FGF12: variants seen among roughly 807,000 people sequenced by gnomAD.
The protein encoded by FGF12 is fibroblast growth factor 12.
FGF12 carries 14 observed loss-of-function variants against 23.6 expected under a neutral mutation model. The observed-to-expected ratio is 0.59, with a 90% confidence interval of 0.39 to 0.93. FGF12 has a LOEUF of 0.93. FGF12 is among the 40% of genes least tolerant of loss of function. The pLI is 0.00. For missense variants in FGF12, 175 were observed against 217.8 expected (o/e 0.80, Z 1.24); for synonymous variants, 62 against 77.3 (o/e 0.80, Z 1.04).
At chr3:192,708,312 C>T (rs758037104) in intron 2 of FGF12, among the ~76,000 whole-genome samples, 6 of 152,100 alleles carry the variant, frequency 3.9e-5, no homozygotes, top group African/African-American at 7.2e-5. Context: ...AGATGAAAGG[C>T]GTTTCAAAAG....
Position 192,559,157 on chromosome 3 carries a change from C to A in FGF12, c.13+168024G>T, listed in dbSNP as rs771192928. Among the ~76,000 whole-genome samples, 36 of 151,870 alleles carry A rather than the reference C, an allele frequency of 2.4e-4. No individual in the cohort carries two copies. In the East Asian group the frequency reaches 2.7e-3, roughly 11 times the overall value. On this transcript the variant is annotated intron_variant, in intron 2 of 5. Transcript: ENST00000445105. ...AAAGAAAACAATCTGCAGGTAAAAG[C>A]CAACCTAAAGAATGAGAAAAAATAT... is the stretch of plus-strand genomic sequence containing the variant.
chr3:192,367,408 C>T (rs529166823), intron 2 of FGF12, among the ~76,000 whole-genome samples: 5 of 152,188 alleles, frequency 3.3e-5, no homozygotes, highest in South Asian at 4.2e-4. Context: ...TCAAGGGCTT[C>T]GGGGGCATTA....
intron 4 of FGF12, among the ~76,000 whole-genome samples, chr3:192,295,046 C>CA (rs1234839837): frequency 1.3e-5 from 2 of 152,048 alleles, no homozygotes; most frequent in Non-Finnish European, 2.9e-5. Flanking sequence ...TTTCTAGTGA[C>CA]AAAAAATGAT....
chr3:192,430,288 C>A (rs569191593), intron 2 of FGF12, among the ~76,000 whole-genome samples: 2 of 152,218 alleles, frequency 1.3e-5, no homozygotes, highest in East Asian at 1.9e-4. Context: ...CTGTATTATT[C>A]TTCTTGTATG....
intron 2 of FGF12, among the ~76,000 whole-genome samples, chr3:192,591,768 A>C (rs1713635228): frequency 6.6e-6 from 1 of 152,028 alleles, no homozygotes; most frequent in South Asian, 2.1e-4. Context: ...GAATTAAAGG[A>C]ACTGTAATTA....
At chr3:192,319,885 G>T (rs530591993) in intron 4 of FGF12, among the ~76,000 whole-genome samples, 3 of 151,998 alleles carry the variant, frequency 2.0e-5, no homozygotes, top group Non-Finnish European at 4.4e-5. Context: ...AAATATGCTA[G>T]CAGAGAAAAT....
chr3:192,376,688 C>T (rs550276775), intron 2 of FGF12, among the ~76,000 whole-genome samples: 109 of 152,316 alleles, frequency 7.2e-4, no homozygotes, highest in African/African-American at 2.6e-3. Flanking sequence ...CTTCAAAATT[C>T]ACCTTTTTTC....
At chr3:192,664,359 G>C (rs1188131268) in intron 2 of FGF12, among the ~76,000 whole-genome samples, 2 of 152,044 alleles carry the variant, frequency 1.3e-5, no homozygotes, top group Non-Finnish European at 2.9e-5. Context: ...CCCCAGAGTT[G>C]TTCTAGGACC....
Position 192,532,228 on chromosome 3 carries a change from T to C in FGF12, c.14-171690A>G, listed in dbSNP as rs532885184. On this transcript the variant is annotated intron_variant, in intron 2 of 5. Transcript: ENST00000445105. ...TTTTTGCTTAGTATTGCTTTGGCTGTGTGGGCTCTTTTTTGGTTCCATATG... is the reference window on the plus strand; with the variant it reads ...TTTTTGCTTAGTATTGCTTTGGCTGCGTGGGCTCTTTTTTGGTTCCATATG... Among the ~76,000 whole-genome samples the C allele has an allele frequency of 3.9e-5, 6 of 152,312 alleles. No homozygotes were observed. The South Asian group carries it at 1.2e-3, about 32-fold the overall frequency.
intron 4 of FGF12, among the ~76,000 whole-genome samples, chr3:192,243,158 C>T (rs920139303): frequency 6.6e-6 from 1 of 151,860 alleles, no homozygotes; most frequent in Non-Finnish European, 1.5e-5. Flanking sequence ...AAGATGTTAA[C>T]CTTAAATATA....
intron 2 of FGF12, among the ~76,000 whole-genome samples, chr3:192,637,312 C>G (rs1715620381): frequency 6.6e-6 from 1 of 152,158 alleles, no homozygotes; most frequent in Non-Finnish European, 1.5e-5. Context: ...TGCTTTCACT[C>G]ATATTTCCTT....
At chr3:192,367,873 C>T (rs1019398121) in intron 2 of FGF12, among the ~76,000 whole-genome samples, 2 of 152,162 alleles carry the variant, frequency 1.3e-5, no homozygotes, top group Non-Finnish European at 2.9e-5. Flanking sequence ...ACGAGAGACA[C>T]CATCAGCAGC....
intron 2 of FGF12, among the ~76,000 whole-genome samples, chr3:192,407,473 C>T (rs1721009335): frequency 6.6e-6 from 1 of 152,010 alleles, no homozygotes; most frequent in South Asian, 2.1e-4. Flanking sequence ...TTGACAAGGG[C>T]GTCTGAAAGA....
chr3:192,387,718 A>AT (rs140636487), intron 2 of FGF12, among the ~76,000 whole-genome samples: 14 of 147,488 alleles, frequency 9.5e-5, no homozygotes, highest in South Asian at 4.3e-4. Flanking sequence ...ACACACACAC[A>AT]ATATATATAT....
At chr3:192,158,484 CCCTT>C (rs1414342961) in intron 5 of FGF12, among the ~76,000 whole-genome samples, 1 of 145,316 alleles carries the variant, frequency 6.9e-6, no homozygotes. Flanking sequence ...GTCTCTCTCT[CCCTT>C]CCTTCCTCTC....
At chr3:192,174,398 C>G (rs747089486) in intron 4 of FGF12, among the ~76,000 whole-genome samples, 7 of 151,984 alleles carry the variant, frequency 4.6e-5, no homozygotes, top group Non-Finnish European at 1.0e-4. Context: ...AATGAAAAGC[C>G]AAGTGGAGTT....
chr3:192,211,503 G>A (rs946494213), intron 4 of FGF12, among the ~76,000 whole-genome samples: 2 of 134,988 alleles, frequency 1.5e-5, no homozygotes, highest in African/African-American at 5.8e-5. Flanking sequence ...TCGGCTCACT[G>A]CAAGCTCCGC....
chr3:192,665,984 T>C (rs1490147077), intron 2 of FGF12, among the ~76,000 whole-genome samples: 1 of 152,134 alleles, frequency 6.6e-6, no homozygotes, highest in East Asian at 1.9e-4. Context: ...ATACATCAAA[T>C]TTTAATACCA....
intron 2 of FGF12, among the ~76,000 whole-genome samples, chr3:192,531,272 T>A (rs1202683927): frequency 6.6e-6 from 1 of 152,236 alleles, no homozygotes; most frequent in Non-Finnish European, 1.5e-5. Flanking sequence ...GTCAAAGTCT[T>A]AGATGACATC....
Sources: gnomAD v4.1 joint callset for allele counts (sites outside exome capture counted in the v4.1 genomes callset) on GRCh38, gnomAD v4.1.1 for gene constraint, MANE v1.5 for transcripts, NCBI Gene and HGNC (gene_info 2026-07-23, HGNC 2026-07-21) for gene names.